UNC13B: variants seen among roughly 807,000 people sequenced by gnomAD.
The protein encoded by UNC13B is protein unc-13 homolog B.
UNC13B carries 144 observed loss-of-function variants against 211.0 expected under a neutral mutation model. The observed-to-expected ratio is 0.68, with a 90% CI of 0.60 to 0.78. UNC13B has a LOEUF of 0.78. Among genes scored for constraint, UNC13B ranks in the 30% least tolerant of loss-of-function variants. The pLI is 0.00. For synonymous variants in UNC13B, 709 were observed against 725.8 expected, an observed-to-expected ratio of 0.98 and a Z score of 0.37; for missense variants, 1,777 against 2,002.0, an observed-to-expected ratio of 0.89 and a Z score of 2.14.
At position 35,314,000 on chromosome 9, in the gene UNC13B, T is replaced by G; in HGVS notation, c.9414+11T>G. 1.2e-6 allele frequency: 2 copies of G among 1,609,210 alleles called. No homozygotes were observed. Among genetic ancestry groups the G allele is most frequent in the Non-Finnish European group, 1.7e-6 (2 of 1,175,586 alleles). On this transcript the variant is annotated intron_variant, in intron 11 of 39. Coordinates refer to ENST00000635942, the MANE Select transcript of UNC13B (RefSeq NM_001371189.2). The stretch of plus-strand genomic sequence containing the variant: ...CTCCAGCTGCAGGAGGTAGGAAATC[T>G]GTTCTAGTACTGGTTGGGACAATTT...
chr9:35,214,953 A>G (rs566587642), intron 1 of UNC13B, among the ~76,000 whole-genome samples: 1 of 152,336 alleles, frequency 6.6e-6, no homozygotes, highest in Admixed American at 6.5e-5. Context: ...AACTTGAACA[A>G]TCCTTGGCAC....
At chr9:35,313,651 A>AATAAATAG (rs1830301286) in intron 10 of UNC13B, among the ~76,000 whole-genome samples, 1 of 150,632 alleles carries the variant, frequency 6.6e-6, no homozygotes, top group Non-Finnish European at 1.5e-5. Context: ...TAAATAAATA[A>AATAAATAG]ATAAATAAAT....
intron 11 of UNC13B, among the ~76,000 whole-genome samples, chr9:35,329,972 C>G (rs557885378): frequency 9.9e-5 from 15 of 152,138 alleles, no homozygotes; most frequent in Non-Finnish European, 1.8e-4. Context: ...ACACAGAGCC[C>G]AAGAGCCCAT....
At chr9:35,184,896 A>T (rs1447567504) in intron 1 of UNC13B, among the ~76,000 whole-genome samples, 3 of 151,626 alleles carry the variant, frequency 2.0e-5, no homozygotes, top group African/African-American at 7.3e-5. Flanking sequence ...AATTTTAAAA[A>T]TGTTTCTTTA....
In UNC13B at chr9:35,398,999, CG is replaced by C; in HGVS notation, c.12040del (p.Val4014TyrfsTer25). On this transcript the variant is annotated frameshift_variant, in exon 33 of 40. Transcript: ENST00000635942. LOFTEE classifies it high-confidence loss of function. ...RASAAQDADS[V>X]LRPLMDFLDG... ...CCTCAGCGGCTCAGGATGCAGATAG[CG>C]TACTCCGGCCTCTCATGGACTTCCT... 1 of 1,614,144 alleles carries C rather than the reference CG, an allele frequency of 6.2e-7. No individual in the cohort carries two copies. Among genetic ancestry groups the C allele is most frequent in the Non-Finnish European group, 8.5e-7 (1 of 1,180,014 alleles).
Position 35,300,609 on chromosome 9 carries a change from A to G in UNC13B, c.1205A>G (p.Asn402Ser), listed in dbSNP as rs1430279067. 6 of 398,910 alleles carry G rather than the reference A, an allele frequency of 1.5e-5. No individual in the cohort carries two copies. In the South Asian group the frequency reaches 5.1e-4, roughly 34 times the overall value. 24.7% of individuals were successfully genotyped at this position (398,910 alleles called of 1,614,324 possible). A position where few individuals can be genotyped will look rare whatever the true frequency, so the allele number is the denominator to read the frequency against. The change falls in exon 9 of 40, where the codon AAT (asparagine) becomes AGT (serine). Residue 402 changes from asparagine to serine, a missense_variant. By Grantham distance (46) the Asn-to-Ser change is conservative (BLOSUM62 1). Coordinates refer to ENST00000635942, the MANE Select transcript of UNC13B (RefSeq NM_001371189.2). ...NLQSPTWHSSNVHHIGDFPEE... is the reference protein window; with the variant it reads ...NLQSPTWHSSSVHHIGDFPEE... ...CAGTCACCAACATGGCATTCATCCA[A>G]TGTCCACCATATTGGAGATTTTCCT...
chr9:35,173,947 T>G (rs1435991095), intron 1 of UNC13B, among the ~76,000 whole-genome samples: 1 of 152,162 alleles, frequency 6.6e-6, no homozygotes, highest in East Asian at 1.9e-4. Flanking sequence ...TTTGTTAGGG[T>G]AGTAGTACCA....
At chr9:35,252,649 G>T (rs757426920) in intron 6 of UNC13B, among the ~76,000 whole-genome samples, 45 of 149,926 alleles carry the variant, frequency 3.0e-4, no homozygotes, top group African/African-American at 1.0e-3. Flanking sequence ...TATTAGCTAT[G>T]ATTTGTCTAT....
chr9:35,235,991 C>T (rs1825482742), intron 3 of UNC13B, among the ~76,000 whole-genome samples: 1 of 150,868 alleles, frequency 6.6e-6, no homozygotes, highest in African/African-American at 2.4e-5. Context: ...TTCCCGCCCC[C>T]CCTCCCCACT....
rs374962956 is a variant in UNC13B, at chr9:35,396,556, G to A, written c.11389G>A (p.Val3797Met). The A allele has an allele frequency of 1.8e-5, 29 of 1,613,972 alleles. No individual in the cohort carries two copies. Among genetic ancestry groups the A allele is most frequent in the African/African-American group, 6.7e-5 (5 of 74,894 alleles). ...GGTGAAGTGGCTCCACAATGAATAC[G>A]TGCGGGATCTGCCTGTCCTCCAGGG... is the stretch of plus-strand genomic sequence containing the variant. ...FKVKWLHNEY[V>M]RDLPVLQGQV... The change falls in exon 27 of 40, where the codon GTG (valine) becomes ATG (methionine). Residue 3797 changes from valine to methionine, a missense_variant. Coordinates refer to ENST00000635942, the MANE Select transcript of UNC13B (RefSeq NM_001371189.2).
At chr9:35,389,758 G>C in intron 24 of UNC13B, 88 bp from the exon 25 acceptor site, 1 of 1,439,880 alleles carries the variant, frequency 6.9e-7, no homozygotes, top group Non-Finnish European at 9.6e-7. Flanking sequence ...GGTATAGGAA[G>C]GGGAAGAGAA....
At chr9:35,276,607 A>T (rs919669786) in intron 7 of UNC13B, among the ~76,000 whole-genome samples, 5 of 152,038 alleles carry the variant, frequency 3.3e-5, no homozygotes, top group Admixed American at 6.6e-5. Context: ...TCCCTTTCTT[A>T]TTTTAAACTT....
chr9:35,290,093 G>T (rs998542449), intron 7 of UNC13B, among the ~76,000 whole-genome samples: 2 of 152,094 alleles, frequency 1.3e-5, no homozygotes, highest in Non-Finnish European at 2.9e-5. Flanking sequence ...TTCAATTTGG[G>T]TGTGGGATAG....
At chr9:35,299,675 T>C (rs1221526957) in intron 8 of UNC13B, among the ~76,000 whole-genome samples, 1 of 152,260 alleles carries the variant, frequency 6.6e-6, no homozygotes, top group Non-Finnish European at 1.5e-5. Context: ...ATTGATATAA[T>C]ATTTAAGAAC....
Position 35,390,703 on chromosome 9 carries a change from A to T in UNC13B, c.11297A>T (p.Tyr3766Phe), listed in dbSNP as rs1351197887. 2 of 1,614,112 alleles carry T rather than the reference A, an allele frequency of 1.2e-6. No individual in the cohort carries two copies. The highest frequency in any genetic ancestry group is 1.7e-6 in the Non-Finnish European group (2 of 1,180,010). The change falls in exon 26 of 40, where the codon TAT becomes TTT. Residue 3766 changes from tyrosine to phenylalanine, a missense_variant. Physicochemically the swap from Tyr to Phe is conservative, Grantham distance 22 (BLOSUM62 3). Coordinates refer to ENST00000635942, the MANE Select transcript of UNC13B (RefSeq NM_001371189.2). ...MWHLFAQDMK[Y>F]ALEEHEKDHL... ...CATTTGTTTGCCCAAGACATGAAAT[A>T]TGCATTGGAGGGTAAGGATCTGTTC... is the stretch of plus-strand genomic sequence containing the variant.
intron 1 of UNC13B, among the ~76,000 whole-genome samples, chr9:35,224,753 C>T (rs950147449): frequency 4.6e-5 from 7 of 152,024 alleles, no homozygotes; most frequent in Non-Finnish European, 8.8e-5. Flanking sequence ...GCAAATACTC[C>T]TGATAAACAC....
At chr9:35,397,530 C>G in intron 29 of UNC13B, 105 bp from the exon 30 acceptor site, 1 of 1,367,206 alleles carries the variant, frequency 7.3e-7, no homozygotes, top group Non-Finnish European at 1.0e-6. Flanking sequence ...CCCCCTTTAC[C>G]TCCCTGTTGT....
Position 35,307,572 on chromosome 9 carries a change from A to C in UNC13B, c.8168A>C (p.His2723Pro). ...AGCACCACTCTGGAAACCGAAGGGC[A>C]CTTTTCTCATCCTCTGCTGGAGGAC... ...SQSTTLETEG[H>P]FSHPLLEDPV... Residue 2723 changes from histidine to proline, a missense_variant, in exon 9 of 40, where the codon CAC becomes CCC. Physicochemically the swap from His to Pro is moderately conservative, Grantham distance 77. Coordinates refer to ENST00000635942, the MANE Select transcript of UNC13B (RefSeq NM_001371189.2). 1 of 399,112 alleles carries C rather than the reference A, an allele frequency of 2.5e-6. No homozygotes were observed. Among genetic ancestry groups the C allele is most frequent in the Non-Finnish European group, 4.4e-6 (1 of 226,128 alleles). The allele number at this position is 399,112 out of a possible 1,614,324, so 24.7% of individuals were successfully genotyped here. A position where few individuals can be genotyped will look rare whatever the true frequency, so the allele number is the denominator to read the frequency against.
intron 6 of UNC13B, among the ~76,000 whole-genome samples, chr9:35,246,338 G>A (rs1826101989): frequency 6.6e-6 from 1 of 152,124 alleles, no homozygotes; most frequent in African/African-American, 2.4e-5. Flanking sequence ...TTGCTGTGCA[G>A]AAGCTCTTTA....
Sources: gnomAD v4.1 joint callset for allele counts (sites outside exome capture counted in the v4.1 genomes callset) on GRCh38, gnomAD v4.1.1 for gene constraint, MANE v1.5 for transcripts, NCBI Gene and HGNC (gene_info 2026-07-23, HGNC 2026-07-21) for gene names.